RNF144A: variants seen among roughly 807,000 people sequenced by gnomAD.
RNF144A encodes E3 ubiquitin-protein ligase RNF144A.
Under a neutral mutation model 38.7 loss-of-function variants are expected in RNF144A, and 11 were observed. That is an observed-to-expected ratio of 0.28 (90% CI 0.18 to 0.47). The LOEUF (loss-of-function observed/expected upper bound fraction) is 0.47, where lower values mean the gene tolerates loss of function less well. RNF144A is among the 20% of genes least tolerant of loss of function. The pLI, the probability that RNF144A is intolerant of heterozygous loss-of-function variation, is 0.99. For missense variants in RNF144A, 316 were observed against 377.2 expected, an observed-to-expected ratio of 0.84 and a Z score of 1.34; for synonymous variants, 149 against 143.9, an observed-to-expected ratio of 1.04 and a Z score of -0.25.
At chr2:6,925,749 T>C (rs568190184) in intron 1 of RNF144A, among the ~76,000 whole-genome samples, 167 of 152,340 alleles carry the variant, frequency 1.1e-3, no homozygotes, top group African/African-American at 3.7e-3. Flanking sequence ...GCCAAGCCTG[T>C]TGATCCCATC....
intron 2 of RNF144A, among the ~76,000 whole-genome samples, chr2:6,964,846 T>A (rs1572282792): frequency 6.6e-6 from 1 of 151,824 alleles, no homozygotes; most frequent in African/African-American, 2.4e-5. Context: ...GAGGGATAGC[T>A]TTAGGAGATA....
intron 6 of RNF144A, among the ~76,000 whole-genome samples, chr2:7,065,564 T>C (rs1188489603): frequency 6.6e-6 from 1 of 152,254 alleles, no homozygotes; most frequent in African/African-American, 2.4e-5. Flanking sequence ...TAGTATTAAT[T>C]GTACACTAGT....
intron 6 of RNF144A, among the ~76,000 whole-genome samples, chr2:7,022,041 G>A (rs931361919): frequency 3.3e-5 from 5 of 152,196 alleles, no homozygotes; most frequent in East Asian, 1.9e-4. Flanking sequence ...TGGGAAATCC[G>A]AATCCTAAGC....
intron 2 of RNF144A, among the ~76,000 whole-genome samples, chr2:6,950,267 A>G (rs969365587): frequency 6.6e-6 from 1 of 152,246 alleles, no homozygotes; most frequent in African/African-American, 2.4e-5. Context: ...CTTTATTGCT[A>G]AACCTTATAT....
chr2:6,950,466 A>G (rs1666608057), intron 2 of RNF144A, among the ~76,000 whole-genome samples: 1 of 152,162 alleles, frequency 6.6e-6, no homozygotes. Flanking sequence ...TTCAATCTTT[A>G]CTGTCACAAA....
chr2:6,945,968 T>A (rs1017049401), intron 2 of RNF144A, among the ~76,000 whole-genome samples: 1 of 152,154 alleles, frequency 6.6e-6, no homozygotes, highest in African/African-American at 2.4e-5. Context: ...AGGTAGAATC[T>A]GTCTCCTGGG....
At chr2:6,969,422 GA>G (rs939552533) in intron 2 of RNF144A, among the ~76,000 whole-genome samples, 2 of 152,178 alleles carry the variant, frequency 1.3e-5, no homozygotes, top group Non-Finnish European at 2.9e-5. Context: ...AAGCCAGGGA[GA>G]GGGGCCTGGA....
At chr2:6,967,721 A>T (rs1412142806) in intron 2 of RNF144A, among the ~76,000 whole-genome samples, 2 of 152,194 alleles carry the variant, frequency 1.3e-5, no homozygotes, top group Non-Finnish European at 2.9e-5. Flanking sequence ...TGGCTCAAGA[A>T]ACTCACCTAC....
intron 7 of RNF144A, 152 bp downstream of exon 7, chr2:7,024,668 GA>G: frequency 2.3e-6 from 2 of 881,758 alleles, no homozygotes; most frequent in Non-Finnish European, 3.4e-6. Context: ...CTGGGTTTGT[GA>G]AAACATTAAC....
chr2:7,045,737 A>T (rs1673282029), downstream of RNF144A, among the ~76,000 whole-genome samples: 1 of 152,186 alleles, frequency 6.6e-6, no homozygotes, highest in Admixed American at 6.5e-5. Flanking sequence ...ACGGACTCTG[A>T]GTGGGCTGTC....
Position 7,041,047 on chromosome 2 carries a change from A to G in RNF144A, c.*1287A>G, listed in dbSNP as rs1447966229. The G allele has an allele frequency of 1.0e-6, 1 of 985,408 alleles. No homozygotes were observed. The highest frequency in any genetic ancestry group is 1.2e-6 in the Non-Finnish European group (1 of 829,868). 61.0% of individuals were successfully genotyped at this position (985,408 alleles called of 1,614,324 possible). On this transcript the variant is annotated 3_prime_UTR_variant, in exon 9 of 9. Coordinates refer to ENST00000320892, the MANE Select transcript of RNF144A (RefSeq NM_014746.6). ...GAAAAGTGGAGAAAGTGTATTCTTT[A>G]AAGAGAATTTACTTCTAAAAGCCAC...
At chr2:6,987,427 G>C (rs1434953983) in intron 2 of RNF144A, among the ~76,000 whole-genome samples, 2 of 152,122 alleles carry the variant, frequency 1.3e-5, no homozygotes, top group Non-Finnish European at 2.9e-5. Context: ...CCCTGCTGTG[G>C]GACATACAGA....
chr2:7,013,144 A>G (rs1480587380), intron 3 of RNF144A, among the ~76,000 whole-genome samples: 2 of 152,232 alleles, frequency 1.3e-5, no homozygotes, highest in African/African-American at 4.8e-5. Flanking sequence ...AGATCAAATT[A>G]TTCTTTATAT....
rs141886325 is a variant in RNF144A, at chr2:7,026,382, T to A, written c.657+1866T>A. Among the ~76,000 whole-genome samples, 67 of 152,310 alleles carry A rather than the reference T, an allele frequency of 4.4e-4. 2 individuals are homozygous for A. The highest frequency in any genetic ancestry group is 2.6e-4 in the Non-Finnish European group (18 of 68,016). On this transcript the variant is annotated intron_variant, in intron 7 of 8. Coordinates refer to ENST00000320892, the MANE Select transcript of RNF144A (RefSeq NM_014746.6). The stretch of plus-strand genomic sequence containing the variant: ...AGTTTAATGAATCAGCATGGCAAGA[T>A]GAATTTTCTTTAGCTCAAGTCCTCA...
At position 7,043,854 on chromosome 2, in the gene RNF144A, A is replaced by T. The variant is rs974742163; in HGVS notation, c.*4094A>T. The T allele has an allele frequency of 1.0e-6, 1 of 985,664 alleles. No homozygotes were observed. Among genetic ancestry groups the T allele is most frequent in the African/African-American group, 1.7e-5 (1 of 57,194 alleles). The allele number at this position is 985,664 out of a possible 1,614,324, so 61.1% of individuals were successfully genotyped here. ...CTCACTTTACTATGGGTGTATTTTAATCTTGTATAAAAATATGCATGAATG... is the reference window on the plus strand; with the variant it reads ...CTCACTTTACTATGGGTGTATTTTATTCTTGTATAAAAATATGCATGAATG... On this transcript the variant is annotated 3_prime_UTR_variant, in exon 9 of 9. Coordinates refer to ENST00000320892, the MANE Select transcript of RNF144A (RefSeq NM_014746.6).
intron 2 of RNF144A, among the ~76,000 whole-genome samples, chr2:6,950,849 GT>G (rs1166130427): frequency 6.6e-6 from 1 of 151,992 alleles, no homozygotes; most frequent in African/African-American, 2.4e-5. Context: ...TTTTGGTCTA[GT>G]TTTTTTATTG....
chr2:6,975,493 C>A (rs1433174008), intron 2 of RNF144A, among the ~76,000 whole-genome samples: 1 of 152,192 alleles, frequency 6.6e-6, no homozygotes, highest in Non-Finnish European at 1.5e-5. Context: ...ACTGCCCAGC[C>A]CTCCTCGCCA....
intron 2 of RNF144A, among the ~76,000 whole-genome samples, chr2:6,969,243 G>C (rs1389713897): frequency 6.6e-6 from 1 of 152,192 alleles, no homozygotes; most frequent in South Asian, 2.1e-4. Flanking sequence ...CAGTACATCA[G>C]AGTGTGACCT....
intron 5 of RNF144A, among the ~76,000 whole-genome samples, chr2:7,015,852 C>G (rs1671102063): frequency 6.6e-6 from 1 of 152,132 alleles, no homozygotes; most frequent in Non-Finnish European, 1.5e-5. Context: ...TGAGCAGGGT[C>G]TCACCACTGA....
Sources: gnomAD v4.1 joint callset for allele counts (sites outside exome capture counted in the v4.1 genomes callset) on GRCh38, gnomAD v4.1.1 for gene constraint, MANE v1.5 for transcripts, NCBI Gene and HGNC (gene_info 2026-07-23, HGNC 2026-07-21) for gene names.